SPECC1L: variants seen among roughly 807,000 people sequenced by gnomAD.
SPECC1L encodes cytospin-A.
A neutral mutation model predicts 116.8 loss-of-function variants in SPECC1L; 40 were observed. That is an observed-to-expected ratio of 0.34 (90% CI 0.27 to 0.45). The LOEUF (loss-of-function observed/expected upper bound fraction) is 0.45, where lower values mean the gene tolerates loss of function less well. Ranked by LOEUF, SPECC1L falls within the 20% of genes least tolerant of loss-of-function variation. The pLI is 1.00. For synonymous variants in SPECC1L, 504 were observed against 500.6 expected (o/e 1.01, Z -0.09); for missense variants, 1,110 against 1,373.6 (o/e 0.81, Z 3.03).
intron 3 of SPECC1L, among the ~76,000 whole-genome samples, chr22:24,309,790 GTGT>G (rs1466620671): frequency 1.3e-5 from 2 of 152,196 alleles, no homozygotes; most frequent in Non-Finnish European, 2.9e-5. Context: ...TACTTGGGTT[GTGT>G]TGTTCATTTG....
chr22:24,318,603 G>C (rs186522116), intron 4 of SPECC1L, among the ~76,000 whole-genome samples: 16 of 152,120 alleles, frequency 1.1e-4, no homozygotes, highest in African/African-American at 3.9e-4. Context: ...GCAGAACTAG[G>C]GAAAGGAATT....
intron 2 of SPECC1L, among the ~76,000 whole-genome samples, chr22:24,282,997 C>G (rs1601490466): frequency 6.6e-6 from 1 of 151,886 alleles, no homozygotes; most frequent in South Asian, 2.1e-4. Context: ...AGGCTGGTCT[C>G]GAACTCTTGA....
chr22:24,340,152 T>TTTTC, intron 10 of SPECC1L, among the ~76,000 whole-genome samples: 1 of 141,004 alleles, frequency 7.1e-6, no homozygotes, highest in African/African-American at 2.7e-5. Flanking sequence ...TTTTTTTTTT[T>TTTTC]TTTTTTTTTT....
chr22:24,354,670 CTTT>C (rs531632375), intron 11 of SPECC1L, among the ~76,000 whole-genome samples: 2 of 139,854 alleles, frequency 1.4e-5, no homozygotes. Context: ...TCTGGTTACT[CTTT>C]TTTTTTTTTT....
intron 11 of SPECC1L, among the ~76,000 whole-genome samples, chr22:24,361,978 T>G (rs555948656): frequency 6.6e-6 from 1 of 152,356 alleles, no homozygotes; most frequent in South Asian, 2.1e-4. Flanking sequence ...ACTTTTGACA[T>G]CATTATATTT....
chr22:24,303,005 A>T (rs528168104), intron 3 of SPECC1L, among the ~76,000 whole-genome samples: 3 of 150,876 alleles, frequency 2.0e-5, no homozygotes, highest in African/African-American at 7.3e-5. Context: ...TACTATTACC[A>T]TTTTTTTTTA....
Position 24,395,000 on chromosome 22 carries a change from T to G in SPECC1L, c.3088-16588T>G, listed in dbSNP as rs181219481. Among the ~76,000 whole-genome samples, 3 of 152,084 alleles carry G rather than the reference T, an allele frequency of 2.0e-5. No individual in the cohort carries two copies. The East Asian group carries it at 5.8e-4, about 29-fold the overall frequency. On this transcript the variant is annotated intron_variant, in intron 14 of 16. Transcript: ENST00000314328. Reference sequence around the variant, plus strand: ...CATGCACAACCACACCTGGCTAACTTTTGTGTTTTTGTAGATAGGGTTTCA... The same window carrying G: ...CATGCACAACCACACCTGGCTAACTGTTGTGTTTTTGTAGATAGGGTTTCA...
intron 10 of SPECC1L, among the ~76,000 whole-genome samples, chr22:24,342,406 C>CA (rs1208038834): frequency 1.3e-5 from 2 of 152,174 alleles, no homozygotes; most frequent in East Asian, 1.9e-4. Context: ...TATGGTGACT[C>CA]ACGCCTGTAA....
At chr22:24,382,636 A>G (rs1239344869) in intron 14 of SPECC1L, among the ~76,000 whole-genome samples, 1 of 140,922 alleles carries the variant, frequency 7.1e-6, no homozygotes, top group East Asian at 2.2e-4. Context: ...CCAGAGGCAG[A>G]GGTTGCAGTG....
At chr22:24,368,586 A>G (rs959200348) in intron 13 of SPECC1L, among the ~76,000 whole-genome samples, 1 of 152,310 alleles carries the variant, frequency 6.6e-6, no homozygotes, top group African/African-American at 2.4e-5. Flanking sequence ...CTTACCCTGT[A>G]TATTTTACAA....
rs35179976 is a variant in SPECC1L at position 24,369,084 on chromosome 22, T to G, written c.2985-134T>G. 3.3e-4 allele frequency: 233 copies of G among 704,348 alleles called. 1 individual carries two copies. Among genetic ancestry groups the G allele is most frequent in the African/African-American group, 1.8e-3 (101 of 56,256 alleles). 43.6% of individuals were successfully genotyped at this position (704,348 alleles called of 1,614,324 possible). ...AGCCATAAACTAAAAATCAAATGTA[T>G]GAAAAACTATGTCTTGCCTTTGTAT... On this transcript the variant is annotated intron_variant, in intron 13 of 16. Coordinates refer to ENST00000314328, the MANE Select transcript of SPECC1L (RefSeq NM_015330.6).
chr22:24,346,825 A>G (rs1015944604), intron 10 of SPECC1L, among the ~76,000 whole-genome samples: 5 of 152,008 alleles, frequency 3.3e-5, no homozygotes, highest in Admixed American at 1.3e-4. Context: ...CCGTTGGGGG[A>G]AACTGAGTAA....
chr22:24,369,465 G>A (rs955301271), intron 14 of SPECC1L, 145 bp downstream of exon 14: 3 of 707,802 alleles, frequency 4.2e-6, no homozygotes, highest in Non-Finnish European at 7.7e-6. Context: ...ACATTGGGAG[G>A]CTGAGGCAGA....
At chr22:24,301,406 G>A (rs375494681) in intron 2 of SPECC1L, among the ~76,000 whole-genome samples, 18 of 152,244 alleles carry the variant, frequency 1.2e-4, no homozygotes, top group East Asian at 3.9e-4. Context: ...TAAACCCCTC[G>A]TAAGTTGACA....
rs901486856 is a variant in SPECC1L, at chr22:24,331,675, C to A, written c.2396+1244C>A. ...AGGCCCTTTAAGGACTCTGTGAGGT[C>A]ATACTGTCTTCATAATACCATCACA... On this transcript the variant is annotated intron_variant, in intron 8 of 16. Transcript: ENST00000314328. 5.3e-5 allele frequency among the ~76,000 whole-genome samples: 8 copies of A among 152,268 alleles called. No homozygotes were observed. The South Asian group carries it at 1.7e-3, about 32-fold the overall frequency.
At chr22:24,296,816 T>G (rs1037686829) in intron 2 of SPECC1L, among the ~76,000 whole-genome samples, 1 of 152,236 alleles carries the variant, frequency 6.6e-6, no homozygotes, top group Admixed American at 6.5e-5. Flanking sequence ...GAAGCATTTG[T>G]GATTGTCTCA....
chr22:24,302,360 TGGA>T lies in SPECC1L; in HGVS notation c.130_132del (p.Gly44del). ...CTACGGGAGGCAAACTTGTAAAACC[TGGA>T]ACAGCAGCATCATTGTCAAAGGTAT... On this transcript the variant is annotated inframe_deletion, in exon 3 of 17. Coordinates refer to ENST00000314328, the MANE Select transcript of SPECC1L (RefSeq NM_015330.6). 6.2e-7 allele frequency: 1 copy of T among 1,614,154 alleles called. No homozygotes were observed. Among genetic ancestry groups the T allele is most frequent in the Non-Finnish European group, 8.5e-7 (1 of 1,180,016 alleles).
intron 14 of SPECC1L, among the ~76,000 whole-genome samples, chr22:24,372,452 A>G (rs1341922964): frequency 6.6e-6 from 1 of 152,186 alleles, no homozygotes; most frequent in African/African-American, 2.4e-5. Context: ...CATCCCTGGG[A>G]TGCAAGGCTG....
At chr22:24,299,556 C>G (rs1004049295) in intron 2 of SPECC1L, among the ~76,000 whole-genome samples, 1 of 152,212 alleles carries the variant, frequency 6.6e-6, no homozygotes, top group Non-Finnish European at 1.5e-5. Flanking sequence ...AAAGGTTTGA[C>G]TGTGTTTCTT....
Sources: gnomAD v4.1 joint callset for allele counts (sites outside exome capture counted in the v4.1 genomes callset) on GRCh38, gnomAD v4.1.1 for gene constraint, MANE v1.5 for transcripts, NCBI Gene and HGNC (gene_info 2026-07-23, HGNC 2026-07-21) for gene names.